The following PPP1R9A variants were observed in gnomAD, a reference collection of about 807,000 sequenced individuals.
PPP1R9A encodes protein phosphatase 1 regulatory subunit 9A.
PPP1R9A carries 59 observed loss-of-function variants against 141.9 expected under a neutral mutation model. That is an observed-to-expected ratio of 0.42 (90% CI 0.34 to 0.52). PPP1R9A has a LOEUF of 0.52. Ranked by LOEUF, PPP1R9A falls within the 20% of genes least tolerant of loss-of-function variation. The pLI is 0.10. For missense variants in PPP1R9A, 1,444 were observed against 1,611.9 expected (o/e 0.90, Z 1.78); for synonymous variants, 500 against 569.7 (o/e 0.88, Z 1.74).
chr7:95,241,088 G>A (rs1216545670), intron 8 of PPP1R9A, among the ~76,000 whole-genome samples: 1 of 152,038 alleles, frequency 6.6e-6, no homozygotes, highest in African/African-American at 2.4e-5. Context: ...TCTGTACTAA[G>A]GTCAGATACT....
At chr7:95,057,524 T>C (rs1280688278) in intron 2 of PPP1R9A, among the ~76,000 whole-genome samples, 1 of 152,072 alleles carries the variant, frequency 6.6e-6, no homozygotes, top group Non-Finnish European at 1.5e-5. Flanking sequence ...GAGATTTAAT[T>C]TGGGTCTACT....
chr7:95,138,045 G>C (rs887989782), intron 4 of PPP1R9A, among the ~76,000 whole-genome samples: 4 of 149,770 alleles, frequency 2.7e-5, no homozygotes, highest in Non-Finnish European at 5.9e-5. Flanking sequence ...CCATTCTCCT[G>C]CCTCAGCTTC....
At chr7:95,113,638 A>C (rs943223541) in intron 3 of PPP1R9A, among the ~76,000 whole-genome samples, 2 of 152,240 alleles carry the variant, frequency 1.3e-5, no homozygotes, top group Non-Finnish European at 2.9e-5. Context: ...TTTACATGCC[A>C]CTGAGGGTAA....
At chr7:95,162,864 A>G (rs1344827947) in intron 5 of PPP1R9A, among the ~76,000 whole-genome samples, 2 of 152,224 alleles carry the variant, frequency 1.3e-5, no homozygotes, top group Non-Finnish European at 2.9e-5. Context: ...TCAACTGTAA[A>G]TCATCTTCTA....
chr7:94,933,878 ATCT>A (rs1325163577), intron 2 of PPP1R9A, among the ~76,000 whole-genome samples: 4 of 152,272 alleles, frequency 2.6e-5, no homozygotes, highest in African/African-American at 9.6e-5. Flanking sequence ...ATGATAAGCT[ATCT>A]TCTTGCTCTA....
chr7:95,175,463 A>G (rs1832762809), intron 5 of PPP1R9A, among the ~76,000 whole-genome samples: 1 of 151,992 alleles, frequency 6.6e-6, no homozygotes, highest in African/African-American at 2.4e-5. Flanking sequence ...TTCCTTCTAT[A>G]TATAAAAGTT....
chr7:95,148,061 G>T (rs1189926654), intron 4 of PPP1R9A, among the ~76,000 whole-genome samples: 1 of 152,150 alleles, frequency 6.6e-6, no homozygotes, highest in African/African-American at 2.4e-5. Context: ...GCAGCGCTTT[G>T]AGGGAAATTC....
intron 16 of PPP1R9A, among the ~76,000 whole-genome samples, chr7:95,276,994 T>G (rs572021389): frequency 1.3e-5 from 2 of 152,268 alleles, no homozygotes; most frequent in Non-Finnish European, 2.9e-5. Context: ...CTGTGGGCTG[T>G]AAGCACCATC....
intron 6 of PPP1R9A, among the ~76,000 whole-genome samples, chr7:95,200,742 A>G (rs1446197107): frequency 2.0e-5 from 3 of 152,300 alleles, no homozygotes; most frequent in South Asian, 2.1e-4. Context: ...CTGAGCAGAT[A>G]TTTTCAGGGG....
intron 2 of PPP1R9A, among the ~76,000 whole-genome samples, chr7:94,922,731 G>A (rs1562996077): frequency 1.3e-5 from 2 of 152,066 alleles, no homozygotes; most frequent in African/African-American, 4.8e-5. Context: ...ACATCAAAAT[G>A]TCAACTCTGG....
chr7:95,027,256 C>T (rs938314889), intron 2 of PPP1R9A, among the ~76,000 whole-genome samples: 4 of 152,158 alleles, frequency 2.6e-5, no homozygotes, highest in Non-Finnish European at 4.4e-5. Flanking sequence ...TTGCAAAGAC[C>T]GTGGGAAAAG....
At chr7:94,964,726 G>A (rs1798013800) in intron 2 of PPP1R9A, among the ~76,000 whole-genome samples, 2 of 152,142 alleles carry the variant, frequency 1.3e-5, no homozygotes, top group Non-Finnish European at 2.9e-5. Context: ...TCTCTATCCA[G>A]TCTGTCATTG....
In PPP1R9A at chr7:95,084,535, T is replaced by C. The variant is rs147939500; in HGVS notation, c.1396-26724T>C. On this transcript the variant is annotated intron_variant, in intron 2 of 19. Transcript: ENST00000433360. ...TTAAAGAAATATAATATTACAGACTTAGATTTCCACAGTGTTCACTCCCTA... is the reference window on the plus strand; with the variant it reads ...TTAAAGAAATATAATATTACAGACTCAGATTTCCACAGTGTTCACTCCCTA... Among the ~76,000 whole-genome samples, 1,136 of 152,110 alleles carry C rather than the reference T, an allele frequency of 7.5e-3. 35 individuals are homozygous for C. The highest frequency in any genetic ancestry group is 0.026 in the African/African-American group (1,056 of 41,394).
In PPP1R9A at chr7:95,284,307, G is replaced by A. The variant is rs1366218827; in HGVS notation, c.3586G>A (p.Val1196Ile). 19 of 1,528,848 alleles carry A rather than the reference G, an allele frequency of 1.2e-5. No individual in the cohort carries two copies. The highest frequency in any genetic ancestry group is 1.7e-5 in the Non-Finnish European group (19 of 1,128,264). 94.7% of individuals were successfully genotyped at this position (1,528,848 alleles called of 1,614,324 possible). ...TGGAAGGCATTCTCAACTTATGTCT[G>A]TAGTCTGGATCCAAGAAACCAATGT... ...IFGRHSQLMSVVWIQETNNFT... is the reference protein window; with the variant it reads ...IFGRHSQLMSIVWIQETNNFT... The change falls in exon 17 of 20, where the codon GTA becomes ATA. Residue 1196 changes from valine to isoleucine, a missense_variant. Transcript: ENST00000433360.
At chr7:94,970,168 C>T (rs1210373939) in intron 2 of PPP1R9A, among the ~76,000 whole-genome samples, 3 of 152,170 alleles carry the variant, frequency 2.0e-5, no homozygotes, top group Non-Finnish European at 4.4e-5. Context: ...TTCTGTCTCA[C>T]AGGCATTCCA....
intron 5 of PPP1R9A, among the ~76,000 whole-genome samples, chr7:95,185,014 T>A (rs978253470): frequency 7.4e-6 from 1 of 136,018 alleles, no homozygotes; most frequent in Non-Finnish European, 1.6e-5. Context: ...CAAATAGTAG[T>A]TCTACTTTTA....
intron 5 of PPP1R9A, among the ~76,000 whole-genome samples, chr7:95,186,547 T>G (rs1834684335): frequency 1.3e-5 from 2 of 152,160 alleles, no homozygotes; most frequent in Non-Finnish European, 2.9e-5. Context: ...AACTTTTCAG[T>G]ACTATGTTGA....
chr7:95,127,263 C>A (rs575715232), intron 4 of PPP1R9A, among the ~76,000 whole-genome samples: 121 of 152,080 alleles, frequency 8.0e-4, no homozygotes, highest in African/African-American at 2.8e-3. Context: ...TAAATGGACA[C>A]CCTTTTGATG....
At chr7:94,915,471 T>C (rs1791957166) in intron 2 of PPP1R9A, among the ~76,000 whole-genome samples, 1 of 152,176 alleles carries the variant, frequency 6.6e-6, no homozygotes, top group Admixed American at 6.5e-5. Flanking sequence ...CAGTAGGTAT[T>C]CTATGGGAAA....
Sources: allele counts gnomAD v4.1 joint callset (sites outside exome capture counted in the v4.1 genomes callset), GRCh38; gene constraint gnomAD v4.1.1; transcripts MANE v1.5; gene names NCBI Gene and HGNC (gene_info 2026-07-23, HGNC 2026-07-21).